GAL3ST1: variants seen among roughly 807,000 people sequenced by gnomAD.
GAL3ST1 encodes the protein galactosylceramide sulfotransferase.
GAL3ST1 carries 13 observed loss-of-function variants against 25.0 expected under a neutral mutation model. The ratio of observed to expected loss-of-function variants is 0.52; its 90% CI spans 0.34 to 0.83. GAL3ST1 has a LOEUF of 0.83. GAL3ST1 is among the 40% of genes least tolerant of loss of function. GAL3ST1 has a pLI of 0.02. For synonymous variants in GAL3ST1, 274 were observed against 277.8 expected (o/e 0.99, Z 0.14); for missense variants, 474 against 613.6 (o/e 0.77, Z 2.40).
At chr22:30,562,727 G>A (rs1296142631) in intron 1 of GAL3ST1, among the ~76,000 whole-genome samples, 3 of 152,216 alleles carry the variant, frequency 2.0e-5, no homozygotes, top group African/African-American at 7.2e-5. Flanking sequence ...TGCAGAGAAT[G>A]TGGATGAGGA....
intron 1 of GAL3ST1, among the ~76,000 whole-genome samples, chr22:30,559,280 C>T (rs969754101): frequency 2.6e-5 from 4 of 152,174 alleles, no homozygotes; most frequent in East Asian, 3.9e-4. Context: ...CTCGCTCTGT[C>T]GCCAGGCTGG....
intron 1 of GAL3ST1, among the ~76,000 whole-genome samples, chr22:30,572,481 C>T (rs2086813198): frequency 6.6e-6 from 1 of 152,172 alleles, no homozygotes; most frequent in African/African-American, 2.4e-5. Context: ...CTTTCACAGG[C>T]CTGCTGTGAG....
chr22:30,565,013 C>T (rs1601968147), intron 1 of GAL3ST1: 3 of 152,398 alleles, frequency 2.0e-5, no homozygotes, highest in African/African-American at 7.2e-5. Context: ...GTGGCACACC[C>T]CAGTACCCTG....
intron 1 of GAL3ST1, among the ~76,000 whole-genome samples, chr22:30,571,015 C>CACACAG (rs1491122455): frequency 6.7e-6 from 1 of 149,938 alleles, no homozygotes; most frequent in African/African-American, 2.5e-5. Flanking sequence ...CACACACACA[C>CACACAG]TCTTTACAAA....
chr22:30,557,349 C>T lies in GAL3ST1; in HGVS notation c.44G>A (p.Gly15Glu). 1 of 1,614,198 alleles carries T rather than the reference C, an allele frequency of 6.2e-7. No individual in the cohort carries two copies. The highest frequency in any genetic ancestry group is 8.5e-7 in the Non-Finnish European group (1 of 1,180,002). ...QKKPWESMAK[G>E]LVLGALFTSF... ...AGTGAAGAGCGCGCCCAGCACCAGCCCCTTAGCCATGGACTCCCAGGGCTT... is the reference window on the plus strand; with the variant it reads ...AGTGAAGAGCGCGCCCAGCACCAGCTCCTTAGCCATGGACTCCCAGGGCTT... The change falls in exon 3 of 4, where the codon GGG becomes GAG. Residue 15 changes from glycine (G) to glutamate (E), a missense_variant. Coordinates refer to ENST00000406361, the MANE Select transcript of GAL3ST1 (RefSeq NM_001318104.2).
At chr22:30,573,412 G>A (rs73881481) in intron 1 of GAL3ST1, among the ~76,000 whole-genome samples, 66 of 152,312 alleles carry the variant, frequency 4.3e-4, no homozygotes, top group African/African-American at 1.5e-3. Flanking sequence ...TGGATAATGG[G>A]GATAGGTAGC....
At chr22:30,560,624 A>G (rs2086351096) in intron 1 of GAL3ST1, 1 of 152,194 alleles carries the variant, frequency 6.6e-6, no homozygotes, top group Non-Finnish European at 1.5e-5. Flanking sequence ...ACCAGATCAT[A>G]GTCCAAAACT....
At chr22:30,561,746 G>A (rs1252139157) in intron 1 of GAL3ST1, among the ~76,000 whole-genome samples, 4 of 152,180 alleles carry the variant, frequency 2.6e-5, no homozygotes, top group African/African-American at 4.8e-5. Flanking sequence ...CTGAGCCTGC[G>A]GCCAGGATAA....
At chr22:30,573,118 T>C (rs1569015309) in intron 1 of GAL3ST1, among the ~76,000 whole-genome samples, 1 of 152,060 alleles carries the variant, frequency 6.6e-6, no homozygotes, top group Non-Finnish European at 1.5e-5. Context: ...CAGGGCTTCG[T>C]TGTCTCGGCT....
intron 2 of GAL3ST1, 152 bp from the exon 3 acceptor site, chr22:30,557,553 A>G: frequency 2.7e-6 from 2 of 733,560 alleles, no homozygotes; most frequent in Non-Finnish European, 4.4e-6. Context: ...CTGGAGAGAT[A>G]GACTGACAAC....
At chr22:30,569,824 C>T (rs2086729108) in intron 1 of GAL3ST1, among the ~76,000 whole-genome samples, 1 of 152,164 alleles carries the variant, frequency 6.6e-6, no homozygotes. Context: ...CGGTGGCGTG[C>T]GCCACCCAGC....
intron 1 of GAL3ST1, among the ~76,000 whole-genome samples, chr22:30,564,022 T>C (rs2086539496): frequency 6.6e-6 from 1 of 152,204 alleles, no homozygotes; most frequent in Non-Finnish European, 1.5e-5. Context: ...AGATATCTCA[T>C]TACATATATG....
intron 2 of GAL3ST1, 87 bp from the exon 3 acceptor site, chr22:30,557,488 T>A: frequency 6.9e-7 from 1 of 1,447,242 alleles, no homozygotes; most frequent in Non-Finnish European, 9.5e-7. Flanking sequence ...AGTTGAGCCC[T>A]GCCTTTGCCT....
At chr22:30,564,147 G>A (rs1473366210) in intron 1 of GAL3ST1, among the ~76,000 whole-genome samples, 1 of 152,210 alleles carries the variant, frequency 6.6e-6, no homozygotes, top group Non-Finnish European at 1.5e-5. Context: ...GTGCTGTGCA[G>A]ATCCTCTGCA....
At chr22:30,564,323 C>T (rs1184719218) in intron 1 of GAL3ST1, among the ~76,000 whole-genome samples, 1 of 152,224 alleles carries the variant, frequency 6.6e-6, no homozygotes, top group Non-Finnish European at 1.5e-5. Flanking sequence ...TTGCAGGCAG[C>T]CAAGTCCAGG....
intron 1 of GAL3ST1, among the ~76,000 whole-genome samples, chr22:30,558,989 C>G (rs1278788545): frequency 6.6e-6 from 1 of 152,010 alleles, no homozygotes; most frequent in East Asian, 1.9e-4. Flanking sequence ...GAAATTCTGT[C>G]TCTACTGAAA....
At position 30,554,990 on chromosome 22, in the gene GAL3ST1, T is replaced by C; in HGVS notation, c.1235A>G (p.Lys412Arg). The C allele has an allele frequency of 6.3e-7, 1 of 1,589,950 alleles. No individual in the cohort carries two copies. Among genetic ancestry groups the C allele is most frequent in the Non-Finnish European group, 8.6e-7 (1 of 1,163,294 alleles). The part of the protein sequence containing the change: ...MDLGANLWVT[K>R]LWKFIRDFLR... Reference sequence around the variant, plus strand: ...GAAATCGCGAATGAACTTCCAGAGCTTGGTGACCCACAGGTTGGCGCCGAG... The same window carrying C: ...GAAATCGCGAATGAACTTCCAGAGCCTGGTGACCCACAGGTTGGCGCCGAG... The change falls in exon 4 of 4, where the codon AAG becomes AGG. Residue 412 changes from lysine (K) to arginine (R), a missense_variant. By Grantham distance (26) the Lys-to-Arg change is conservative (BLOSUM62 2). Transcript: ENST00000406361.
intron 1 of GAL3ST1, chr22:30,560,222 G>C (rs1027941077): frequency 6.6e-6 from 1 of 152,140 alleles, no homozygotes; most frequent in African/African-American, 2.4e-5. Flanking sequence ...TAACAAATCA[G>C]AAAGCTTGCA....
chr22:30,555,076 C>T lies in GAL3ST1; in HGVS notation c.1149G>A (p.Gly383=). 1 of 1,612,704 alleles carries T rather than the reference C, an allele frequency of 6.2e-7. No individual in the cohort carries two copies. ...GCCGGCAGAGCTGCGCGTGCCGCTG[C>T]CCGATGCTCTTCTTGAGGTTGTAGC... The part of the protein sequence containing the change: ...ILGYNLKKSI[G]QRHAQLCRRM... The change falls in exon 4 of 4, where the codon GGG becomes GGA. Residue 383 remains glycine (G), a synonymous_variant. Transcript: ENST00000406361. The surrounding 1 kb of genome is among the most constrained non-coding windows in gnomAD (Gnocchi z 8.6).
Sources: gnomAD v4.1 joint callset for allele counts (sites outside exome capture counted in the v4.1 genomes callset) on GRCh38, gnomAD v4.1.1 for gene constraint, Gnocchi (gnomAD v3.1) non-coding constraint, MANE v1.5 for transcripts, NCBI Gene and HGNC (gene_info 2026-07-23, HGNC 2026-07-21) for gene names.